Variants in KCNIP1 observed in about 807,000 individuals in gnomAD.
KCNIP1 encodes the protein potassium voltage-gated channel interacting protein 1, also known as A-type potassium channel modulatory protein KCNIP1.
KCNIP1 carries 18 observed loss-of-function variants against 33.0 expected under a neutral mutation model. The ratio of observed to expected loss-of-function variants is 0.55; its 90% CI spans 0.38 to 0.81. The LOEUF (loss-of-function observed/expected upper bound fraction) is 0.81. Among genes scored for constraint, KCNIP1 ranks in the 30% least tolerant of loss-of-function variants. The pLI is 0.00. For missense variants in KCNIP1, 238 were observed against 271.6 expected, an observed-to-expected ratio of 0.88 and a Z score of 0.87; for synonymous variants, 93 against 98.3, an observed-to-expected ratio of 0.95 and a Z score of 0.32.
intron 1 of KCNIP1, among the ~76,000 whole-genome samples, chr5:170,545,393 G>C (rs889787475): frequency 6.6e-6 from 1 of 152,082 alleles, no homozygotes; most frequent in African/African-American, 2.4e-5. Flanking sequence ...TGGGCTTCTT[G>C]AATCAATGAG....
At chr5:170,435,538 G>T (rs1246802988) in intron 1 of KCNIP1, among the ~76,000 whole-genome samples, 1 of 152,200 alleles carries the variant, frequency 6.6e-6, no homozygotes, top group Non-Finnish European at 1.5e-5. Flanking sequence ...CCGGGGCCAA[G>T]TGAGCTATTT....
intron 1 of KCNIP1, among the ~76,000 whole-genome samples, chr5:170,687,870 A>G (rs1762595015): frequency 6.6e-6 from 1 of 152,254 alleles, no homozygotes; most frequent in Non-Finnish European, 1.5e-5. Flanking sequence ...CCTGGCATAT[A>G]GTAACCACTT....
In KCNIP1 at chr5:170,379,057, C is replaced by T. The variant is rs573317127; in HGVS notation, c.88+25093C>T. ...CTTGATATGGAGTAAAGAAAAATAC[C>T]AGCTTTGTAGTCGGGCCCCTGGATT... On this transcript the variant is annotated intron_variant, in intron 1 of 7. Coordinates refer to the KCNIP1 transcript ENST00000377360. The T allele has an allele frequency of 6.6e-6, 10 of 1,509,298 alleles. No individual in the cohort carries two copies. The African/African-American group carries it at 1.3e-4, about 19-fold the overall frequency. The allele number at this position is 1,509,298 out of a possible 1,614,324, so 93.5% of individuals were successfully genotyped here. A position where few individuals can be genotyped will look rare whatever the true frequency, so the allele number is the denominator to read the frequency against.
intron 1 of KCNIP1, among the ~76,000 whole-genome samples, chr5:170,449,654 A>T (rs570669383): frequency 6.6e-6 from 1 of 152,354 alleles, no homozygotes; most frequent in African/African-American, 2.4e-5. Flanking sequence ...ACAATAATCC[A>T]CATAAGGAAC....
intron 1 of KCNIP1, among the ~76,000 whole-genome samples, chr5:170,611,125 C>T (rs1759134315): frequency 6.6e-6 from 1 of 152,230 alleles, no homozygotes; most frequent in East Asian, 1.9e-4. Context: ...TCTTGAGGAT[C>T]TTGCAGATAT....
chr5:170,553,367 C>A (rs1326927657), intron 1 of KCNIP1, among the ~76,000 whole-genome samples: 1 of 152,232 alleles, frequency 6.6e-6, no homozygotes, highest in East Asian at 1.9e-4. Context: ...ATAGCCACTT[C>A]AGAAGGTCAG....
chr5:170,448,451 A>G lies in KCNIP1; in HGVS notation c.88+94487A>G, dbSNP rs572749353. Among the ~76,000 whole-genome samples, 13 of 152,334 alleles carry G rather than the reference A, an allele frequency of 8.5e-5. No individual in the cohort carries two copies. In the East Asian group the frequency reaches 2.5e-3, roughly 29 times the overall value. On this transcript the variant is annotated intron_variant, in intron 1 of 7. Transcript: ENST00000377360. Reference sequence around the variant, plus strand: ...CTCCCTTTTCTCTGACCAGCCATGGAGGCCCTGGGGGCTTGGAGGAGTGGC... The same window carrying G: ...CTCCCTTTTCTCTGACCAGCCATGGGGGCCCTGGGGGCTTGGAGGAGTGGC...
intron 1 of KCNIP1, among the ~76,000 whole-genome samples, chr5:170,429,091 A>C (rs1325067530): frequency 6.6e-6 from 1 of 152,180 alleles, no homozygotes; most frequent in Non-Finnish European, 1.5e-5. Flanking sequence ...ACTCTGTCTC[A>C]AAAAACAACA....
intron 1 of KCNIP1, among the ~76,000 whole-genome samples, chr5:170,632,947 T>C (rs1760116330): frequency 6.6e-6 from 1 of 151,654 alleles, no homozygotes; most frequent in Non-Finnish European, 1.5e-5. Flanking sequence ...TGGGGGTGGG[T>C]TGGGGCTTGA....
At chr5:170,546,676 T>C (rs145120154) in intron 1 of KCNIP1, among the ~76,000 whole-genome samples, 144 of 152,290 alleles carry the variant, frequency 9.5e-4, no homozygotes, top group African/African-American at 3.3e-3. Context: ...TTTTGCGGCT[T>C]TTCTTTTTTT....
intron 1 of KCNIP1, among the ~76,000 whole-genome samples, chr5:170,359,716 G>C (rs898984861): frequency 6.6e-6 from 1 of 152,186 alleles, no homozygotes; most frequent in Non-Finnish European, 1.5e-5. Flanking sequence ...CTGATGTCCA[G>C]TAGCCTTCAT....
rs1221736177 is a variant in KCNIP1 at position 170,660,708 on chromosome 5, G to A, written c.62-58050G>A. Among the ~76,000 whole-genome samples, 3 of 152,234 alleles carry A rather than the reference G, an allele frequency of 2.0e-5. No homozygotes were observed. The East Asian group carries it at 5.8e-4, about 29-fold the overall frequency. ...GCCCCCAGAGTCCCACCAAGGTGGA[G>A]CTCCAGGCTCCTGACCAGCGGGGCT... On this transcript the variant is annotated intron_variant, in intron 1 of 7. Transcript: ENST00000328939.
intron 1 of KCNIP1, among the ~76,000 whole-genome samples, chr5:170,594,751 T>C (rs1758385073): frequency 1.3e-5 from 2 of 152,152 alleles, no homozygotes; most frequent in Admixed American, 6.6e-5. Flanking sequence ...CCTCAGGTGA[T>C]CCACCCCACT....
At chr5:170,645,630 G>T (rs1760754421) in intron 1 of KCNIP1, among the ~76,000 whole-genome samples, 1 of 152,106 alleles carries the variant, frequency 6.6e-6, no homozygotes. Context: ...GGATGTAATT[G>T]ACATCTGTAG....
At chr5:170,716,909 C>T (rs1763661881) in intron 1 of KCNIP1, among the ~76,000 whole-genome samples, 1 of 152,162 alleles carries the variant, frequency 6.6e-6, no homozygotes, top group African/African-American at 2.4e-5. Context: ...TTCAAGAATA[C>T]CTCATTTACT....
intron 1 of KCNIP1, chr5:170,382,726 C>T (rs1408200839): frequency 6.7e-6 from 1 of 148,396 alleles, no homozygotes; most frequent in African/African-American, 2.5e-5. Flanking sequence ...GGTGCAATCT[C>T]ACCAAGAGCC....
chr5:170,406,875 G>A (rs1196941068), intron 1 of KCNIP1, among the ~76,000 whole-genome samples: 7 of 152,196 alleles, frequency 4.6e-5, no homozygotes, highest in Non-Finnish European at 1.0e-4. Flanking sequence ...TGCCATGAGT[G>A]TCAACAGAAG....
chr5:170,685,730 C>G (rs1762516390), intron 1 of KCNIP1, among the ~76,000 whole-genome samples: 1 of 152,054 alleles, frequency 6.6e-6, no homozygotes, highest in East Asian at 1.9e-4. Context: ...CTCAGGTGAT[C>G]CACCCACCTC....
intron 1 of KCNIP1, among the ~76,000 whole-genome samples, chr5:170,640,781 G>C (rs1052476774): frequency 6.6e-6 from 1 of 152,152 alleles, no homozygotes; most frequent in Non-Finnish European, 1.5e-5. Flanking sequence ...ACGCCTTCTT[G>C]TCTGGAGAAC....
Sources: allele counts gnomAD v4.1 joint callset (sites outside exome capture counted in the v4.1 genomes callset), GRCh38; gene constraint gnomAD v4.1.1; transcripts MANE v1.5; gene names NCBI Gene and HGNC (gene_info 2026-07-23, HGNC 2026-07-21).